The following NPFFR2 variants were observed in gnomAD, a reference collection of about 807,000 sequenced individuals.
NPFFR2 encodes the protein G-protein coupled receptor 74.
In NPFFR2, 15 loss-of-function variants were observed where a neutral mutation model predicts 13.1. That is an observed-to-expected ratio of 1.15 (90% confidence interval 0.77 to 1.76). The LOEUF (loss-of-function observed/expected upper bound fraction) is 1.76, where lower values mean the gene tolerates loss of function less well. Among genes scored for constraint, NPFFR2 ranks in the 40% most tolerant of loss-of-function variants. The pLI is 0.00. For missense variants in NPFFR2, 572 were observed against 503.5 expected, an observed-to-expected ratio of 1.14 and a Z score of -1.30; for synonymous variants, 190 against 175.7, an observed-to-expected ratio of 1.08 and a Z score of -0.65.
Position 72,147,736 on chromosome 4 carries a change from G to C in NPFFR2, c.1187G>C (p.Arg396Thr). ...QNPHGETLLY[R>T]KSAEKPQQEL... ...CCTCATGGGGAAACCTTGCTTTATA[G>C]GAAAAGTGCTGAAAAACCCCAACAG... The change falls in exon 4 of 4, where the codon AGG (arginine) becomes ACG (threonine). Residue 396 changes from arginine (R) to threonine (T), a missense_variant. Transcript: ENST00000308744. 6.2e-7 allele frequency: 1 copy of C among 1,606,328 alleles called. No homozygotes were observed. The highest frequency in any genetic ancestry group is 8.5e-7 in the Non-Finnish European group (1 of 1,178,234).
At chr4:72,103,664 G>A (rs1244034957) in intron 1 of NPFFR2, among the ~76,000 whole-genome samples, 2 of 151,790 alleles carry the variant, frequency 1.3e-5, no homozygotes, top group Non-Finnish European at 2.9e-5. Context: ...AATCTGTGAA[G>A]GCAATAAACT....
At chr4:72,103,998 T>A (rs1171700548) in intron 1 of NPFFR2, among the ~76,000 whole-genome samples, 1 of 152,056 alleles carries the variant, frequency 6.6e-6, no homozygotes, top group Non-Finnish European at 1.5e-5. Flanking sequence ...TTTTGAAGAT[T>A]AGCATTCTTG....
intron 1 of NPFFR2, among the ~76,000 whole-genome samples, chr4:72,095,028 A>T (rs140602216): frequency 6.6e-6 from 1 of 152,232 alleles, no homozygotes; most frequent in Non-Finnish European, 1.5e-5. Context: ...ATGACTAAAA[A>T]TTATAACTAA....
At chr4:72,104,872 G>A (rs1452897372) in intron 1 of NPFFR2, among the ~76,000 whole-genome samples, 1 of 151,578 alleles carries the variant, frequency 6.6e-6, no homozygotes, top group African/African-American at 2.4e-5. Context: ...GTATTGTTAG[G>A]TGCCATAGGA....
chr4:72,127,401 T>G (rs1578473320), intron 1 of NPFFR2, among the ~76,000 whole-genome samples: 1 of 102,084 alleles, frequency 9.8e-6, no homozygotes. Flanking sequence ...TCTCGCTCTG[T>G]CGCCCAGGCT....
At chr4:72,045,823 A>T (rs1487700813) in intron 1 of NPFFR2, among the ~76,000 whole-genome samples, 1 of 152,174 alleles carries the variant, frequency 6.6e-6, no homozygotes, top group Non-Finnish European at 1.5e-5. Flanking sequence ...CATGATCATA[A>T]AGTAGAAAAA....
At chr4:72,059,348 GT>G (rs1241359340) in intron 1 of NPFFR2, among the ~76,000 whole-genome samples, 1 of 151,968 alleles carries the variant, frequency 6.6e-6, no homozygotes, top group East Asian at 1.9e-4. Flanking sequence ...CAAAAAACTG[GT>G]TTTTTGACTA....
chr4:72,057,720 G>A (rs1390782089), intron 1 of NPFFR2, among the ~76,000 whole-genome samples: 2 of 151,856 alleles, frequency 1.3e-5, no homozygotes, highest in Admixed American at 1.3e-4. Context: ...GTGAAAATAG[G>A]ATATTTACAG....
chr4:72,040,018 C>T (rs1396666988), intron 1 of NPFFR2, among the ~76,000 whole-genome samples: 2 of 151,992 alleles, frequency 1.3e-5, no homozygotes, highest in Non-Finnish European at 2.9e-5. Flanking sequence ...TATTAATATT[C>T]TTGCTCATTT....
At position 72,043,931 on chromosome 4, in the gene NPFFR2, A is replaced by C. The variant is rs538168976; in HGVS notation, c.-8+11731A>C. Among the ~76,000 whole-genome samples the C allele has an allele frequency of 3.9e-5, 6 of 152,186 alleles. No individual in the cohort carries two copies. In the East Asian group the frequency reaches 1.2e-3, roughly 30 times the overall value. ...ATGGTTTGGCTGTGTCCCCACCCAA[A>C]TCTCATCTTGAATTGTAGTTCCCAA... On this transcript the variant is annotated intron_variant, in intron 1 of 3. Coordinates refer to ENST00000308744, the MANE Select transcript of NPFFR2 (RefSeq NM_004885.3).
At chr4:72,065,658 G>A (rs1171290189) in intron 1 of NPFFR2, among the ~76,000 whole-genome samples, 1 of 152,026 alleles carries the variant, frequency 6.6e-6, no homozygotes, top group Non-Finnish European at 1.5e-5. Context: ...TTAAATGCAG[G>A]GCACCATCAT....
At chr4:72,085,092 G>A (rs1383712781) in intron 1 of NPFFR2, among the ~76,000 whole-genome samples, 3 of 151,998 alleles carry the variant, frequency 2.0e-5, no homozygotes, top group African/African-American at 7.3e-5. Context: ...TAAAATAATG[G>A]TAAATCTTCT....
intron 3 of NPFFR2, among the ~76,000 whole-genome samples, chr4:72,144,321 G>T (rs79171488): frequency 6.6e-6 from 1 of 152,112 alleles, no homozygotes; most frequent in Non-Finnish European, 1.5e-5. Context: ...TCCCAGAAGA[G>T]AGTACCAGCA....
Position 72,128,646 on chromosome 4 carries a change from G to A in NPFFR2, c.55G>A (p.Val19Ile), listed in dbSNP as rs201647370. ...SSENWHPIWN[V>I]NDTKHHLYSD... is the part of the protein sequence containing the mutation. ...AGAAAACTGGCATCCCATCTGGAAT[G>A]TCAATGACACAAAGCATCATCTGTA... The change falls in exon 2 of 4, where the codon GTC (valine) becomes ATC (isoleucine). Residue 19 changes from valine (V) to isoleucine (I), a missense_variant. Coordinates refer to ENST00000308744, the MANE Select transcript of NPFFR2 (RefSeq NM_004885.3). The A allele has an allele frequency of 1.2e-6, 2 of 1,613,578 alleles. No individual in the cohort carries two copies. Among genetic ancestry groups the A allele is most frequent in the African/African-American group, 1.3e-5 (1 of 75,048 alleles).
rs561806578 is a variant in NPFFR2 at position 72,032,254 on chromosome 4, C to T, written c.-8+54C>T. 38 of 1,510,920 alleles carry T rather than the reference C, an allele frequency of 2.5e-5. No homozygotes were observed. In the South Asian group the frequency reaches 4.4e-4, roughly 17 times the overall value. The allele number at this position is 1,510,920 out of a possible 1,614,324, so 93.6% of individuals were successfully genotyped here. A position where few individuals can be genotyped will look rare whatever the true frequency, so the allele number is the denominator to read the frequency against. On this transcript the variant is annotated intron_variant, in intron 1 of 3. Transcript: ENST00000308744. ...GCCCCCGCTTGGGGGCGCGACCCCTCTCTAATGCCCAACGCTTGCCTTGAT... is the reference window on the plus strand; with the variant it reads ...GCCCCCGCTTGGGGGCGCGACCCCTTTCTAATGCCCAACGCTTGCCTTGAT...
chr4:72,139,446 G>A (rs1358085429), intron 3 of NPFFR2, among the ~76,000 whole-genome samples: 1 of 152,114 alleles, frequency 6.6e-6, no homozygotes, highest in Non-Finnish European at 1.5e-5. Flanking sequence ...TGAGGTATAA[G>A]GAAAGGATCC....
rs143555363 is a variant in NPFFR2, at chr4:72,073,764, G to T, written c.-8+41564G>T. The stretch of plus-strand genomic sequence containing the variant: ...AAAGGTAGTGCTGAAGCTGTTAAAG[G>T]TGCAGAATTTTTATGTTATTAAAAT... On this transcript the variant is annotated intron_variant, in intron 1 of 3. Coordinates refer to ENST00000308744, the MANE Select transcript of NPFFR2 (RefSeq NM_004885.3). Among the ~76,000 whole-genome samples the T allele has an allele frequency of 3.0e-3, 450 of 152,030 alleles. 3 individuals are homozygous for T. The highest frequency in any genetic ancestry group is 9.9e-3 in the African/African-American group (409 of 41,518).
intron 1 of NPFFR2, among the ~76,000 whole-genome samples, chr4:72,118,867 C>A (rs1440511969): frequency 2.0e-5 from 3 of 151,654 alleles, no homozygotes; most frequent in East Asian, 3.9e-4. Flanking sequence ...GTAAAGGCAG[C>A]AAAAATCTTC....
chr4:72,079,592 A>G (rs1383955787), intron 1 of NPFFR2, among the ~76,000 whole-genome samples: 1 of 152,220 alleles, frequency 6.6e-6, no homozygotes, highest in Admixed American at 6.5e-5. Context: ...GACCTTGTTT[A>G]GGAAAAGATA....
Sources: gnomAD v4.1 joint callset for allele counts (sites outside exome capture counted in the v4.1 genomes callset) on GRCh38, gnomAD v4.1.1 for gene constraint, MANE v1.5 for transcripts, NCBI Gene and HGNC (gene_info 2026-07-23, HGNC 2026-07-21) for gene names.